Variants in ATRNL1 observed in about 807,000 individuals in gnomAD.
ATRNL1 encodes attractin like 1.
In ATRNL1, 95 loss-of-function variants were observed where a neutral mutation model predicts 182.7. The observed-to-expected ratio is 0.52, with a 90% confidence interval of 0.44 to 0.62. The LOEUF is 0.62. Ranked by LOEUF, ATRNL1 falls within the 20% of genes least tolerant of loss-of-function variation. ATRNL1 has a pLI of 0.00. For synonymous variants in ATRNL1, 576 were observed against 568.3 expected (o/e 1.01, Z -0.19); for missense variants, 1,471 against 1,679.5 (o/e 0.88, Z 2.17).
At chr10:115,633,140 A>G (rs1057454043) in intron 26 of ATRNL1, among the ~76,000 whole-genome samples, 7 of 151,962 alleles carry the variant, frequency 4.6e-5, no homozygotes, top group Non-Finnish European at 1.0e-4. Flanking sequence ...CGAACTCCTC[A>G]CCTCAAGTGA....
intron 26 of ATRNL1, among the ~76,000 whole-genome samples, chr10:115,687,238 CTT>C (rs1946247203): frequency 6.6e-6 from 1 of 152,020 alleles, no homozygotes; most frequent in African/African-American, 2.4e-5. Flanking sequence ...TTAACTGAAA[CTT>C]TGTACACTTT....
At chr10:115,729,495 TTGTG>T (rs139166434) in intron 27 of ATRNL1, among the ~76,000 whole-genome samples, 58,160 of 141,924 alleles carry the variant, frequency 0.41, 12,724 homozygotes, top group Admixed American at 0.53. Flanking sequence ...CTACCCCATT[TTGTG>T]TGTGTGTGTG....
chr10:115,462,062 G>C (rs1297386791), intron 22 of ATRNL1, 27 bp downstream of exon 22: 2 of 1,514,620 alleles, frequency 1.3e-6, no homozygotes, highest in African/African-American at 2.8e-5. Context: ...ATCTTTTAAA[G>C]TATAATTATT....
intron 8 of ATRNL1, among the ~76,000 whole-genome samples, chr10:115,175,141 A>G (rs1554886453): frequency 1.3e-5 from 2 of 152,020 alleles, no homozygotes; most frequent in African/African-American, 4.8e-5. Flanking sequence ...TCTCTAGGCC[A>G]CCTGATTAGT....
rs531712850 is a variant in ATRNL1, at chr10:115,487,729, C to T, written c.3654+18400C>T. Reference sequence around the variant, plus strand: ...ATTTGAATACCCTTTATTTCTTTCTCTTGCCTGATTGCCCTGGCCAGAACT... The same window carrying T: ...ATTTGAATACCCTTTATTTCTTTCTTTTGCCTGATTGCCCTGGCCAGAACT... On this transcript the variant is annotated intron_variant, in intron 24 of 28. Coordinates refer to ENST00000355044, the MANE Select transcript of ATRNL1 (RefSeq NM_207303.4). Among the ~76,000 whole-genome samples the T allele has an allele frequency of 3.9e-5, 6 of 152,262 alleles. No individual in the cohort carries two copies. The South Asian group carries it at 1.2e-3, about 32-fold the overall frequency.
intron 19 of ATRNL1, among the ~76,000 whole-genome samples, chr10:115,391,343 G>A (rs1327347862): frequency 6.6e-6 from 1 of 152,096 alleles, no homozygotes; most frequent in East Asian, 1.9e-4. Flanking sequence ...GACCTTTATT[G>A]TGTTGAGGCC....
intron 26 of ATRNL1, among the ~76,000 whole-genome samples, chr10:115,659,454 C>G (rs987291427): frequency 6.6e-6 from 1 of 152,060 alleles, no homozygotes; most frequent in Non-Finnish European, 1.5e-5. Flanking sequence ...TGTGCATCCA[C>G]TAAGTGTCAG....
At chr10:115,537,141 T>A (rs1294578424) in intron 25 of ATRNL1, among the ~76,000 whole-genome samples, 1 of 152,224 alleles carries the variant, frequency 6.6e-6, no homozygotes, top group African/African-American at 2.4e-5. Context: ...ACCTAACTGT[T>A]CTTGTAAACC....
intron 9 of ATRNL1, among the ~76,000 whole-genome samples, chr10:115,230,923 A>AGAGAGAGAGAGAGAGAGAGAG (rs1849919502): frequency 1.3e-5 from 1 of 77,470 alleles, no homozygotes; most frequent in Non-Finnish European, 2.7e-5. Flanking sequence ...GAGAGAGAGA[A>AGAGAGAGAGAGAGAGAGAGAG]AGAGAGAAAT....
rs114022419 is a variant in ATRNL1, at chr10:115,641,470, C to T, written c.3796-85778C>T. 6.3e-3 allele frequency among the ~76,000 whole-genome samples: 965 copies of T among 152,242 alleles called. 9 individuals are homozygous for T. The highest frequency in any genetic ancestry group is 0.022 in the African/African-American group (920 of 41,558). On this transcript the variant is annotated intron_variant, in intron 26 of 28. Transcript: ENST00000355044. The stretch of plus-strand genomic sequence containing the variant: ...CAGTTAAGTTCCTGAAATATTGTTA[C>T]AGTGCCAAAACCAATCATCTTTGTA...
At chr10:115,774,044 T>C (rs958320398) in intron 27 of ATRNL1, among the ~76,000 whole-genome samples, 2 of 152,072 alleles carry the variant, frequency 1.3e-5, no homozygotes, top group Non-Finnish European at 2.9e-5. Flanking sequence ...TAGCTGAAAA[T>C]AGCCAAAGAC....
intron 6 of ATRNL1, among the ~76,000 whole-genome samples, chr10:115,161,432 G>C (rs1425577261): frequency 1.1e-4 from 16 of 151,878 alleles, no homozygotes; most frequent in African/African-American, 3.9e-4. Context: ...ATTTAAATGT[G>C]AAAATTAAAA....
At chr10:115,386,856 T>A (rs1178501181) in intron 19 of ATRNL1, among the ~76,000 whole-genome samples, 4 of 122,950 alleles carry the variant, frequency 3.3e-5, no homozygotes, top group Non-Finnish European at 6.4e-5. Flanking sequence ...GATGTTCCCC[T>A]TCCTGTGTCC....
rs954655607 is a variant in ATRNL1 at position 115,866,184 on chromosome 10, A to T, written c.4018+18193A>T. On this transcript the variant is annotated intron_variant, in intron 28 of 28. Coordinates refer to ENST00000355044, the MANE Select transcript of ATRNL1 (RefSeq NM_207303.4). The stretch of plus-strand genomic sequence containing the variant: ...GCTTTAGATAATTAAGCATCTCAAG[A>T]CTATAATATTAGGCTAAGAAGCTCT... Among the ~76,000 whole-genome samples, 3 of 152,296 alleles carry T rather than the reference A, an allele frequency of 2.0e-5. No individual in the cohort carries two copies. In the East Asian group the frequency reaches 5.8e-4, roughly 29 times the overall value.
At chr10:115,616,935 G>A (rs1041514085) in intron 26 of ATRNL1, among the ~76,000 whole-genome samples, 6 of 152,190 alleles carry the variant, frequency 3.9e-5, no homozygotes, top group Admixed American at 1.3e-4. Context: ...TGTCAGGTTG[G>A]AGCTCCTACA....
chr10:115,279,059 G>A (rs113953979), intron 13 of ATRNL1, among the ~76,000 whole-genome samples: 6 of 151,942 alleles, frequency 3.9e-5, no homozygotes, highest in East Asian at 3.9e-4. Context: ...AAAATTAGCC[G>A]GGTGTGGTGG....
chr10:115,282,108 A>G (rs1852391104), intron 14 of ATRNL1, among the ~76,000 whole-genome samples: 1 of 146,226 alleles, frequency 6.8e-6, no homozygotes. Flanking sequence ...TTAACTAAAT[A>G]TATAATTTAT....
At chr10:115,530,784 C>G (rs1205697678) in intron 25 of ATRNL1, among the ~76,000 whole-genome samples, 1 of 117,408 alleles carries the variant, frequency 8.5e-6, no homozygotes, top group African/African-American at 3.3e-5. Flanking sequence ...CCCCCTCCCC[C>G]CACCCCACAA....
chr10:115,227,920 T>C (rs1554899030), intron 9 of ATRNL1, among the ~76,000 whole-genome samples: 1 of 152,208 alleles, frequency 6.6e-6, no homozygotes, highest in African/African-American at 2.4e-5. Flanking sequence ...GAAGTTATGA[T>C]AGGGATTGCC....
Sources: allele counts gnomAD v4.1 joint callset (sites outside exome capture counted in the v4.1 genomes callset), GRCh38; gene constraint gnomAD v4.1.1; transcripts MANE v1.5; gene names NCBI Gene and HGNC (gene_info 2026-07-23, HGNC 2026-07-21).